The following ZNF543 variants were observed in gnomAD, a reference collection of about 807,000 sequenced individuals.
ZNF543 encodes the protein zinc finger protein 543.
In ZNF543, 10 loss-of-function variants were observed where a neutral mutation model predicts 13.4. The ratio of observed to expected loss-of-function variants is 0.75; its 90% confidence interval spans 0.46 to 1.26. The LOEUF (loss-of-function observed/expected upper bound fraction) is 1.26, where lower values mean the gene tolerates loss of function less well. ZNF543 is among the 50% of genes most tolerant of loss of function. ZNF543 has a pLI of 0.00. For missense variants in ZNF543, 768 were observed against 741.2 expected (o/e 1.04, Z -0.42); for synonymous variants, 272 against 264.7 (o/e 1.03, Z -0.27).
chr19:57,326,063 T>A (rs563707362), intron 2 of ZNF543, among the ~76,000 whole-genome samples: 11 of 152,290 alleles, frequency 7.2e-5, no homozygotes, highest in African/African-American at 2.6e-4. Flanking sequence ...AATTATAAAA[T>A]CCCTTCAGAA....
Position 57,329,366 on chromosome 19 carries a change from C to T in ZNF543, c.*101C>T, listed in dbSNP as rs1158056872. On this transcript the variant is annotated 3_prime_UTR_variant, in exon 4 of 4. Coordinates refer to ENST00000321545, the MANE Select transcript of ZNF543 (RefSeq NM_213598.4). ...AATAGATGATCATTTGTCGTCTAAA[C>T]AATCAAGTTAGAAATTGAACCAGCC... The T allele has an allele frequency of 2.1e-6, 3 of 1,463,326 alleles. No homozygotes were observed. Among genetic ancestry groups the T allele is most frequent in the Non-Finnish European group, 2.7e-6 (3 of 1,100,352 alleles). The allele number at this position is 1,463,326 out of a possible 1,614,324, so 90.6% of individuals were successfully genotyped here. A position where few individuals can be genotyped will look rare whatever the true frequency, so the allele number is the denominator to read the frequency against.
In ZNF543 at chr19:57,320,792, A is replaced by C. The variant is rs917555827; in HGVS notation, c.-62A>C. 77 of 1,608,402 alleles carry C rather than the reference A, an allele frequency of 4.8e-5. No homozygotes were observed. Among genetic ancestry groups the C allele is most frequent in the Non-Finnish European group, 6.3e-5 (74 of 1,176,878 alleles). On this transcript the variant is annotated 5_prime_UTR_variant, in exon 1 of 4. Coordinates refer to ENST00000321545, the MANE Select transcript of ZNF543 (RefSeq NM_213598.4). ...GAGGTCGCCCCGCCCAGGACAGAGA[A>C]GGGCTGGGGGTCGGCTGAGCCGCGG...
Position 57,329,244 on chromosome 19 carries a change from C to G in ZNF543, c.1782C>G (p.Thr594=). 3.7e-6 allele frequency: 6 copies of G among 1,605,164 alleles called. No individual in the cohort carries two copies. Among genetic ancestry groups the G allele is most frequent in the Non-Finnish European group, 5.1e-6 (6 of 1,174,804 alleles). The part of the protein sequence containing the change: ...LLLGKEFLNI[T]TEENLW ...TAGGGAAAGAGTTTTTGAATATCAC[C>G]ACTGAAGAAAATCTGTGGTGAAAGG... Residue 594 remains threonine (T), a synonymous_variant, in exon 4 of 4, where the codon ACC becomes ACG. Transcript: ENST00000321545.
At position 57,320,793 on chromosome 19, in the gene ZNF543, G is replaced by T; in HGVS notation, c.-61G>T. 6.2e-7 allele frequency: 1 copy of T among 1,610,366 alleles called. No homozygotes were observed. Among genetic ancestry groups the T allele is most frequent in the Non-Finnish European group, 8.5e-7 (1 of 1,178,258 alleles). ...AGGTCGCCCCGCCCAGGACAGAGAA[G>T]GGCTGGGGGTCGGCTGAGCCGCGGC... On this transcript the variant is annotated 5_prime_UTR_variant, in exon 1 of 4. The change creates a new upstream start codon in the 5' untranslated region. Transcript: ENST00000321545.
intron 1 of ZNF543, among the ~76,000 whole-genome samples, chr19:57,322,430 A>G (rs2088095496): frequency 6.6e-6 from 1 of 151,216 alleles, no homozygotes; most frequent in Admixed American, 6.6e-5. Context: ...AGGCTAAGGC[A>G]GGAGGATCAT....
In ZNF543 at chr19:57,328,525, A is replaced by C. The variant is rs1437157311; in HGVS notation, c.1063A>C (p.Thr355Pro). Residue 355 changes from threonine (T) to proline (P), a missense_variant, in exon 4 of 4, where the codon ACG becomes CCG. This residue lies in a region of ZNF543 where 677 missense variants were observed against 631.4 expected (regional missense o/e 1.07). Coordinates refer to ENST00000321545, the MANE Select transcript of ZNF543 (RefSeq NM_213598.4). ...GGCCTTCAACCGCCGGTCATACCTC[A>C]CGTGGCACCAACAGATTCACACTGG... Reference protein sequence around the residue: ...GKAFNRRSYLTWHQQIHTGVK... With the variant: ...GKAFNRRSYLPWHQQIHTGVK... 1.2e-6 allele frequency: 2 copies of C among 1,614,114 alleles called. No homozygotes were observed. Among genetic ancestry groups the C allele is most frequent in the African/African-American group, 2.7e-5 (2 of 75,010 alleles).
At chr19:57,327,562 C>A in intron 3 of ZNF543, 142 bp from the exon 4 acceptor site, 1 of 1,130,796 alleles carries the variant, frequency 8.8e-7, no homozygotes, top group East Asian at 2.5e-5. Flanking sequence ...CCAGGCTGGT[C>A]TCAAACTCCT....
intron 2 of ZNF543, among the ~76,000 whole-genome samples, chr19:57,325,710 C>T (rs1007865203): frequency 6.6e-6 from 1 of 152,170 alleles, no homozygotes; most frequent in African/African-American, 2.4e-5. Context: ...TGACACCACA[C>T]CCGGCTACTT....
chr19:57,326,867 GCC>G (rs869161724), intron 3 of ZNF543, 139 bp downstream of exon 3: 4 of 92,370 alleles, frequency 4.3e-5, no homozygotes, highest in East Asian at 8.8e-5. Context: ...CTCCCCGCCC[GCC>G]CCCCCCCACC....
At chr19:57,322,675 A>T (rs545159400) in intron 1 of ZNF543, among the ~76,000 whole-genome samples, 1 of 152,176 alleles carries the variant, frequency 6.6e-6, no homozygotes, top group South Asian at 2.1e-4. Flanking sequence ...CTTTGGGTAG[A>T]CTAGTGGAGG....
Position 57,320,522 on chromosome 19 carries a change from G to A in ZNF543, c.-332G>A, listed in dbSNP as rs534584385. 2.1e-5 allele frequency: 7 copies of A among 336,724 alleles called. No individual in the cohort carries two copies. Among genetic ancestry groups the A allele is most frequent in the Non-Finnish European group, 3.3e-5 (6 of 179,414 alleles). The allele number at this position is 336,724 out of a possible 1,614,324, so 20.9% of individuals were successfully genotyped here. On this transcript the variant is annotated 5_prime_UTR_variant, in exon 1 of 4. Transcript: ENST00000321545. ...AGGATTGGCCCTGGAACAGTGTGGG[G>A]CCTGGACCGCTGGGTAGGCGCGTCC...
rs1413790357 is a variant in ZNF543, at chr19:57,329,377, G to C, written c.*112G>C. The C allele has an allele frequency of 2.8e-6, 4 of 1,431,290 alleles. No individual in the cohort carries two copies. In the East Asian group the frequency reaches 9.1e-5, roughly 33 times the overall value. The allele number at this position is 1,431,290 out of a possible 1,614,324, so 88.7% of individuals were successfully genotyped here. On this transcript the variant is annotated 3_prime_UTR_variant, in exon 4 of 4. Transcript: ENST00000321545. ...ATTTGTCGTCTAAACAATCAAGTTAGAAATTGAACCAGCCTGGAGTCTTAT... is the reference window on the plus strand; with the variant it reads ...ATTTGTCGTCTAAACAATCAAGTTACAAATTGAACCAGCCTGGAGTCTTAT...
intron 2 of ZNF543, among the ~76,000 whole-genome samples, chr19:57,324,167 T>C (rs2088107087): frequency 6.6e-6 from 1 of 151,872 alleles, no homozygotes; most frequent in Non-Finnish European, 1.5e-5. Context: ...CTGGGCAACA[T>C]GGTGAAATCC....
chr19:57,329,039 CCAT>C lies in ZNF543; in HGVS notation c.1581_1583del (p.Ile528del), dbSNP rs777689919. 1.9e-6 allele frequency: 3 copies of C among 1,613,524 alleles called. No homozygotes were observed. The highest frequency in any genetic ancestry group is 2.7e-5 in the African/African-American group (2 of 74,730). On this transcript the variant is annotated inframe_deletion, in exon 4 of 4. Transcript: ENST00000321545. ...CGGAGCGCAAACCTTATTCGACACT[CCAT>C]CATTCACACTGGAGAGAAGCCGTAT...
At chr19:57,322,078 A>G (rs994884604) in intron 1 of ZNF543, among the ~76,000 whole-genome samples, 1 of 152,146 alleles carries the variant, frequency 6.6e-6, no homozygotes, top group Non-Finnish European at 1.5e-5. Context: ...TCAGGGGCCC[A>G]TGTTCTCATG....
At position 57,328,537 on chromosome 19, in the gene ZNF543, CA is replaced by C; in HGVS notation, c.1076del (p.Gln359ArgfsTer6). On this transcript the variant is annotated frameshift_variant, in exon 4 of 4. Transcript: ENST00000321545. LOFTEE classifies it low-confidence loss of function (END_TRUNC). ...CCGGTCATACCTCACGTGGCACCAACAGATTCACACTGGAGTGAAACCCTTT... is the reference window on the plus strand; with the variant it reads ...CCGGTCATACCTCACGTGGCACCAACGATTCACACTGGAGTGAAACCCTTT... ...NRRSYLTWHQ[Q>X]IHTGVKPFEC... The C allele has an allele frequency of 6.2e-7, 1 of 1,614,082 alleles. No homozygotes were observed. The highest frequency in any genetic ancestry group is 8.5e-7 in the Non-Finnish European group (1 of 1,180,026).
Position 57,320,691 on chromosome 19 carries a change from C to G in ZNF543, c.-163C>G, listed in dbSNP as rs139155349. On this transcript the variant is annotated 5_prime_UTR_variant, in exon 1 of 4. Coordinates refer to ENST00000321545, the MANE Select transcript of ZNF543 (RefSeq NM_213598.4). ...GGCCTCCGCAGCCGCCCTCCGTCTC[C>G]TCAGCCCCGACGCTGCGCCCGCTTT... 17,060 of 861,354 alleles carry G rather than the reference C, an allele frequency of 0.02. 268 individuals carry two copies. Among genetic ancestry groups the G allele is most frequent in the Non-Finnish European group, 0.023 (13,330 of 586,050 alleles). 53.4% of individuals were successfully genotyped at this position (861,354 alleles called of 1,614,324 possible).
chr19:57,329,401 A>G lies in ZNF543; in HGVS notation c.*136A>G. The G allele has an allele frequency of 8.0e-7, 1 of 1,242,284 alleles. No homozygotes were observed. Among genetic ancestry groups the G allele is most frequent in the Non-Finnish European group, 1.1e-6 (1 of 907,386 alleles). The allele number at this position is 1,242,284 out of a possible 1,614,324, so 77.0% of individuals were successfully genotyped here. A position where few individuals can be genotyped will look rare whatever the true frequency, so the allele number is the denominator to read the frequency against. On this transcript the variant is annotated 3_prime_UTR_variant, in exon 4 of 4. Coordinates refer to ENST00000321545, the MANE Select transcript of ZNF543 (RefSeq NM_213598.4). The stretch of plus-strand genomic sequence containing the variant: ...AGAAATTGAACCAGCCTGGAGTCTT[A>G]TTCTCCACCTGAGAATTCACCCATG...
Position 57,323,663 on chromosome 19 carries a change from T to C in ZNF543, c.19-19T>C. ...CACAGTTCCAAGGGAAACACTACTA[T>C]CTCTGTTTAATTTTCCAGGTGTCTG... On this transcript the variant is annotated intron_variant, in intron 1 of 3. Coordinates refer to ENST00000321545, the MANE Select transcript of ZNF543 (RefSeq NM_213598.4). 6.2e-7 allele frequency: 1 copy of C among 1,610,474 alleles called. No individual in the cohort carries two copies. Among genetic ancestry groups the C allele is most frequent in the Non-Finnish European group, 8.5e-7 (1 of 1,177,648 alleles).
Sources: allele counts gnomAD v4.1 joint callset (sites outside exome capture counted in the v4.1 genomes callset), GRCh38; gene constraint gnomAD v4.1.1; regional missense constraint gnomAD v4.1.1; transcripts MANE v1.5; gene names NCBI Gene and HGNC (gene_info 2026-07-23, HGNC 2026-07-21).